CD1A: variants seen among roughly 807,000 people sequenced by gnomAD.
CD1A encodes CD1a molecule, also known as T-cell surface glycoprotein CD1a.
A neutral mutation model predicts 38.3 loss-of-function variants in CD1A; 50 were observed. That is an observed-to-expected ratio of 1.30 (90% CI 1.04 to 1.65). CD1A has a LOEUF of 1.65. CD1A is among the 40% of genes most tolerant of loss of function. The pLI is 0.00. For missense variants in CD1A, 459 were observed against 406.1 expected (o/e 1.13, Z -1.12); for synonymous variants, 160 against 150.8 (o/e 1.06, Z -0.45).
In CD1A at chr1:158,257,961, C is replaced by T. The variant is rs1650318683; in HGVS notation, c.*271C>T. 2.2e-6 allele frequency: 1 copy of T among 458,452 alleles called. No homozygotes were observed. Among genetic ancestry groups the T allele is most frequent in the Non-Finnish European group, 3.9e-6 (1 of 255,478 alleles). 28.4% of individuals were successfully genotyped at this position (458,452 alleles called of 1,614,324 possible). ...TGGAATGGGGTCCTAGCAACCTCCACATGTTCAACTATTAATGGATCATCA... is the reference window on the plus strand; with the variant it reads ...TGGAATGGGGTCCTAGCAACCTCCATATGTTCAACTATTAATGGATCATCA... On this transcript the variant is annotated 3_prime_UTR_variant, in exon 6 of 6. Transcript: ENST00000289429.
upstream of CD1A, chr1:158,254,304 G>A (rs41273477): frequency 1.3e-4 from 144 of 1,126,204 alleles, no homozygotes; most frequent in Non-Finnish European, 1.5e-4. Context: ...AGCACACTGG[G>A]AGCCATTTCA....
In CD1A at chr1:158,254,797, G is replaced by C. The variant is rs879207959; in HGVS notation, c.58+70G>C. ...TCTCTCTCTCTCTCTGTGTGTGTGT[G>C]TGTGTGTGTGTGTGTGTGTGTGTGT... On this transcript the variant is annotated intron_variant, in intron 1 of 5. Coordinates refer to ENST00000289429, the MANE Select transcript of CD1A (RefSeq NM_001763.3). 3,607 of 525,142 alleles carry C rather than the reference G, an allele frequency of 6.9e-3. 30 individuals carry two copies. The highest frequency in any genetic ancestry group is 0.027 in the African/African-American group (1,138 of 42,410). The allele number at this position is 525,142 out of a possible 1,614,324, so 32.5% of individuals were successfully genotyped here.
chr1:158,250,734 A>G (rs1650066276), upstream of CD1A, among the ~76,000 whole-genome samples: 2 of 152,186 alleles, frequency 1.3e-5, no homozygotes, highest in East Asian at 1.9e-4. Flanking sequence ...TTGTGTGTGT[A>G]TGCTAGCTTT....
Position 158,256,896 on chromosome 1 carries a change from C to A in CD1A, c.715C>A (p.Arg239=), listed in dbSNP as rs200592984. ...YPKPVWVMWM[R]GEQEQQGTQR... ...AAAGCCCGTGTGGGTGATGTGGATG[C>A]GGGGTGAGCAGGAGCAGCAGGGCAC... Residue 239 remains arginine (R), a synonymous_variant, in exon 4 of 6, where the codon CGG becomes AGG. Transcript: ENST00000289429. 7.4e-6 allele frequency: 12 copies of A among 1,614,144 alleles called. No homozygotes were observed. The highest frequency in any genetic ancestry group is 1.0e-5 in the Non-Finnish European group (12 of 1,180,034).
chr1:158,251,574 G>A (rs143810935), upstream of CD1A, among the ~76,000 whole-genome samples: 34 of 152,260 alleles, frequency 2.2e-4, no homozygotes, highest in East Asian at 6.0e-3. Context: ...CTGCAGACTC[G>A]TCTTGTAATT....
rs912400004 is a variant in CD1A, at chr1:158,257,871, A to G, written c.*181A>G. 4 of 603,876 alleles carry G rather than the reference A, an allele frequency of 6.6e-6. No individual in the cohort carries two copies. Among genetic ancestry groups the G allele is most frequent in the Non-Finnish European group, 1.2e-5 (4 of 340,404 alleles). The allele number at this position is 603,876 out of a possible 1,614,324, so 37.4% of individuals were successfully genotyped here. A position where few individuals can be genotyped will look rare whatever the true frequency, so the allele number is the denominator to read the frequency against. ...TGTTTGTCAATATAAGCTCAATTTA[A>G]TTTTGCAGGATTTGTTGTTCTGACC... On this transcript the variant is annotated 3_prime_UTR_variant, in exon 6 of 6. Coordinates refer to ENST00000289429, the MANE Select transcript of CD1A (RefSeq NM_001763.3).
At chr1:158,255,405 A>T in intron 2 of CD1A, 55 bp downstream of exon 2, 1 of 1,554,954 alleles carries the variant, frequency 6.4e-7, no homozygotes, top group Non-Finnish European at 8.8e-7. Context: ...GGGTTGTCTC[A>T]ATGTTTCTTA....
chr1:158,255,935 A>G, intron 2 of CD1A, 69 bp from the exon 3 acceptor site: 4 of 1,469,510 alleles, frequency 2.7e-6, no homozygotes, highest in South Asian at 2.6e-5. Context: ...TTCTGCTTCT[A>G]TAATCTTTGC....
chr1:158,258,024 C>T lies in CD1A; in HGVS notation c.*334C>T, dbSNP rs1650320477. The stretch of plus-strand genomic sequence containing the variant: ...ATATCCCTTACTCCAGAGGGCCTTC[C>T]CTGACTTACAAGTGGGAAGCAGTCT... On this transcript the variant is annotated 3_prime_UTR_variant, in exon 6 of 6. Coordinates refer to ENST00000289429, the MANE Select transcript of CD1A (RefSeq NM_001763.3). 4.1e-6 allele frequency: 1 copy of T among 241,432 alleles called. No individual in the cohort carries two copies. The highest frequency in any genetic ancestry group is 8.0e-6 in the Non-Finnish European group (1 of 124,326). The allele number at this position is 241,432 out of a possible 1,614,324, so 15.0% of individuals were successfully genotyped here.
At chr1:158,249,192 G>A in the CD1A span, among the ~76,000 whole-genome samples, 86 of 152,178 alleles carry the variant, frequency 5.7e-4, no homozygotes, top group Middle Eastern at 3.4e-3. Flanking sequence ...AACGGTGTAG[G>A]CCACATAATT....
At chr1:158,252,223 C>A (rs1282488323), upstream of CD1A, among the ~76,000 whole-genome samples, 3 of 151,830 alleles carry the variant, frequency 2.0e-5, no homozygotes, top group Non-Finnish European at 4.4e-5. Flanking sequence ...ATACCTCAGG[C>A]CCGCATCATG....
the CD1A span, among the ~76,000 whole-genome samples, chr1:158,249,054 T>C: frequency 6.6e-6 from 1 of 152,244 alleles, no homozygotes; most frequent in Non-Finnish European, 1.5e-5. Flanking sequence ...GCATCTTTTA[T>C]TTCCCTGGTG....
upstream of CD1A, among the ~76,000 whole-genome samples, chr1:158,251,567 C>G (rs1235974321): frequency 3.9e-5 from 6 of 152,196 alleles, no homozygotes; most frequent in East Asian, 1.2e-3. Flanking sequence ...CTTCTAGCTG[C>G]AGACTCGTCT....
chr1:158,252,266 C>T (rs1442254194), upstream of CD1A, among the ~76,000 whole-genome samples: 1 of 152,070 alleles, frequency 6.6e-6, no homozygotes, highest in Admixed American at 6.5e-5. Context: ...ATCTCTGACC[C>T]TAATGTTTCA....
Position 158,257,787 on chromosome 1 carries a change from CG to C in CD1A, c.*98del, listed in dbSNP as rs1650312151. On this transcript the variant is annotated 3_prime_UTR_variant, in exon 6 of 6. Transcript: ENST00000289429. ...ACACCTGAACACATCGTGATGATGA[CG>C]TCCTCTCAACTCTCTTTGTAAAAAT... 3.9e-6 allele frequency: 4 copies of C among 1,028,638 alleles called. No individual in the cohort carries two copies. Among genetic ancestry groups the C allele is most frequent in the Non-Finnish European group, 6.0e-6 (4 of 666,342 alleles). The allele number at this position is 1,028,638 out of a possible 1,614,324, so 63.7% of individuals were successfully genotyped here.
Position 158,255,970 on chromosome 1 carries a change from TTTTCTCCCTCTTTCC to T in CD1A, c.326-32_326-18del. ...CTTCTACTCATTTCATTTTATATTT[TTTTCTCCCTCTTTCC>T]TCTATTTCATAACCCCAGATCCTTT... On this transcript the variant is annotated intron_variant, in intron 2 of 5. Transcript: ENST00000289429. 1 of 1,582,568 alleles carries T rather than the reference TTTTCTCCCTCTTTCC, an allele frequency of 6.3e-7. No homozygotes were observed. The highest frequency in any genetic ancestry group is 1.1e-5 in the South Asian group (1 of 87,278).
At chr1:158,254,990 C>T in intron 1 of CD1A, 94 bp from the exon 2 acceptor site, 1 of 1,272,682 alleles carries the variant, frequency 7.9e-7, no homozygotes, top group Non-Finnish European at 1.1e-6. Flanking sequence ...ATCCCCTTTT[C>T]TCCAGATTCT....
upstream of CD1A, among the ~76,000 whole-genome samples, chr1:158,253,203 C>G (rs565802610): frequency 6.6e-6 from 1 of 152,170 alleles, no homozygotes; most frequent in South Asian, 2.1e-4. Context: ...ATCTACAAAG[C>G]ACAAACATAT....
In CD1A at chr1:158,255,227, T is replaced by C; in HGVS notation, c.202T>C (p.Cys68Arg). 1 of 1,614,128 alleles carries C rather than the reference T, an allele frequency of 6.2e-7. No individual in the cohort carries two copies. The highest frequency in any genetic ancestry group is 8.5e-7 in the Non-Finnish European group (1 of 1,180,014). ...DSNSSTIVFL[C>R]PWSRGNFSNE... The stretch of plus-strand genomic sequence containing the variant: ...CAATTCCAGCACCATCGTTTTCCTG[T>C]GCCCCTGGTCCAGGGGAAACTTCAG... Residue 68 changes from cysteine (C) to arginine (R), a missense_variant, in exon 2 of 6, where the codon TGC becomes CGC. By Grantham distance (180) the Cys-to-Arg change is radical (BLOSUM62 -3). Transcript: ENST00000289429.
Sources: allele counts gnomAD v4.1 joint callset (sites outside exome capture counted in the v4.1 genomes callset), GRCh38; gene constraint gnomAD v4.1.1; transcripts MANE v1.5; gene names NCBI Gene and HGNC (gene_info 2026-07-23, HGNC 2026-07-21).